The following SLC12A1 variants were observed in gnomAD, a reference collection of about 807,000 sequenced individuals.
SLC12A1 encodes Na-K-2Cl cotransporter.
SLC12A1 carries 89 observed loss-of-function variants against 130.4 expected under a neutral mutation model. That is an observed-to-expected ratio of 0.68 (90% CI 0.58 to 0.81). SLC12A1 has a LOEUF of 0.81. Ranked by LOEUF, SLC12A1 falls within the 40% of genes least tolerant of loss-of-function variation. The pLI is 0.00. For missense variants in SLC12A1, 1,310 were observed against 1,336.4 expected (o/e 0.98, Z 0.31); for synonymous variants, 499 against 460.0 (o/e 1.08, Z -1.09).
intron 23 of SLC12A1, among the ~76,000 whole-genome samples, chr15:48,291,353 T>C (rs1277078506): frequency 1.3e-5 from 2 of 151,242 alleles, no homozygotes; most frequent in East Asian, 1.9e-4. Context: ...TATATAATCA[T>C]ATAATTTATC....
At chr15:48,302,436 A>T (rs549549173) in intron 26 of SLC12A1, among the ~76,000 whole-genome samples, 2 of 150,932 alleles carry the variant, frequency 1.3e-5, no homozygotes, top group Non-Finnish European at 3.0e-5. Context: ...CTGGCTAACA[A>T]GGTGAAACCC....
intron 9 of SLC12A1, among the ~76,000 whole-genome samples, chr15:48,240,010 CATATATATATATATATATCCAT>C (rs1259136658): frequency 2.1e-5 from 2 of 96,666 alleles, no homozygotes; most frequent in African/African-American, 4.9e-5. Flanking sequence ...ATCTGTTATC[CATATATATATATATATATCCAT>C]ATATATATAT....
intron 15 of SLC12A1, among the ~76,000 whole-genome samples, chr15:48,252,422 T>G (rs2141065895): frequency 6.6e-6 from 1 of 152,298 alleles, no homozygotes; most frequent in East Asian, 1.9e-4. Context: ...CCTGACAAGC[T>G]TTCCATTACA....
At chr15:48,218,194 C>T (rs1361099817) in intron 2 of SLC12A1, among the ~76,000 whole-genome samples, 1 of 152,078 alleles carries the variant, frequency 6.6e-6, no homozygotes, top group African/African-American at 2.4e-5. Flanking sequence ...TTAGAATCAT[C>T]CTATAATAAT....
chr15:48,227,070 A>AT, intron 5 of SLC12A1: 1 of 1,546,900 alleles, frequency 6.5e-7, no homozygotes, highest in South Asian at 1.2e-5. Context: ...TTCTTGGGGG[A>AT]TTTTGCAGGT....
At chr15:48,278,821 A>G (rs1287831970) in intron 20 of SLC12A1, among the ~76,000 whole-genome samples, 1 of 152,190 alleles carries the variant, frequency 6.6e-6, no homozygotes, top group Non-Finnish European at 1.5e-5. Flanking sequence ...GCTGAAAAGC[A>G]TTGCTCCCAC....
Position 48,274,671 on chromosome 15 carries a change from T to C in SLC12A1, c.2485+18T>C, listed in dbSNP as rs780114338. 6.4e-7 allele frequency: 1 copy of C among 1,563,418 alleles called. No individual in the cohort carries two copies. Among genetic ancestry groups the C allele is most frequent in the Non-Finnish European group, 8.8e-7 (1 of 1,135,364 alleles). ...GGTGCAAGGTATGTACTTTCTTTAT[T>C]CAACCAACAAGTATTTATTGAGCAC... On this transcript the variant is annotated intron_variant, in intron 20 of 26. Coordinates refer to ENST00000380993, the MANE Select transcript of SLC12A1 (RefSeq NM_000338.3).
Position 48,241,615 on chromosome 15 carries a change from C to A in SLC12A1, c.1300+16C>A. ...ATTTGTGTAGGTAAGTGGTACGTCT[C>A]CAGTGTCAGAATGTCAGAATTACGA... On this transcript the variant is annotated intron_variant, in intron 10 of 26. Coordinates refer to ENST00000380993, the MANE Select transcript of SLC12A1 (RefSeq NM_000338.3). 5 of 1,578,308 alleles carry A rather than the reference C, an allele frequency of 3.2e-6. No homozygotes were observed. The highest frequency in any genetic ancestry group is 4.4e-6 in the Non-Finnish European group (5 of 1,147,520).
intron 8 of SLC12A1, among the ~76,000 whole-genome samples, chr15:48,234,616 C>A (rs1456340306): frequency 1.3e-5 from 2 of 151,890 alleles, no homozygotes; most frequent in African/African-American, 2.4e-5. Context: ...TGGTGGCGGG[C>A]GCCTGTAATC....
chr15:48,287,282 T>C (rs1314394462), intron 21 of SLC12A1, among the ~76,000 whole-genome samples: 1 of 152,110 alleles, frequency 6.6e-6, no homozygotes, highest in Admixed American at 6.5e-5. Context: ...AGAAATCACA[T>C]TTAAAAAAAT....
At chr15:48,227,369 T>C (rs1157126340) in intron 5 of SLC12A1, 1 of 596,734 alleles carries the variant, frequency 1.7e-6, no homozygotes, top group African/African-American at 1.9e-5. Context: ...GACCCATTTC[T>C]TGTAACAAAA....
At chr15:48,231,946 G>A (rs1427724812) in intron 7 of SLC12A1, among the ~76,000 whole-genome samples, 1 of 152,204 alleles carries the variant, frequency 6.6e-6, no homozygotes, top group African/African-American at 2.4e-5. Context: ...AGGAGGTGGA[G>A]GTTGCAGTGA....
chr15:48,238,099 T>C (rs1329949371), intron 9 of SLC12A1, among the ~76,000 whole-genome samples: 1 of 152,278 alleles, frequency 6.6e-6, no homozygotes, highest in East Asian at 1.9e-4. Context: ...ACTTAGAAAA[T>C]TGTCCCCAAA....
intron 17 of SLC12A1, among the ~76,000 whole-genome samples, chr15:48,262,834 C>T (rs1428874537): frequency 1.3e-5 from 2 of 152,162 alleles, no homozygotes; most frequent in Admixed American, 1.3e-4. Context: ...TATTTCTAAG[C>T]ATAGCCAAGT....
chr15:48,227,427 G>T, intron 5 of SLC12A1: 1 of 501,228 alleles, frequency 2.0e-6, no homozygotes, highest in Non-Finnish European at 3.6e-6. Context: ...AGAAGGTATG[G>T]AATATTATAG....
chr15:48,263,768 C>T (rs1162983018), intron 17 of SLC12A1, among the ~76,000 whole-genome samples: 1 of 152,156 alleles, frequency 6.6e-6, no homozygotes, highest in African/African-American at 2.4e-5. Flanking sequence ...TCATAGCTCA[C>T]TGCAGCCTTG....
At position 48,301,350 on chromosome 15, in the gene SLC12A1, G is replaced by A; in HGVS notation, c.3132G>A (p.Gln1044=). Residue 1044 remains glutamine (Q), a synonymous_variant, in exon 26 of 27, where the codon CAG becomes CAA. Coordinates refer to ENST00000380993, the MANE Select transcript of SLC12A1 (RefSeq NM_000338.3). Reference sequence around the variant, plus strand: ...AAGTTCGACTGAATGAACTCTTACAGGAGCACTCCAGAGCTGCTAATCTCA... The same window carrying A: ...AAGTTCGACTGAATGAACTCTTACAAGAGCACTCCAGAGCTGCTAATCTCA... The part of the protein sequence containing the change: ...YRQVRLNELL[Q]EHSRAANLIV... The A allele has an allele frequency of 6.3e-7, 1 of 1,599,636 alleles. No homozygotes were observed. The highest frequency in any genetic ancestry group is 1.1e-5 in the South Asian group (1 of 87,866).
At chr15:48,223,234 G>A (rs1041411661) in intron 4 of SLC12A1, 2 of 152,190 alleles carry the variant, frequency 1.3e-5, no homozygotes, top group African/African-American at 4.8e-5. Flanking sequence ...CTTACTGAGG[G>A]ATGCATAAGA....
intron 11 of SLC12A1, among the ~76,000 whole-genome samples, chr15:48,246,597 A>G (rs1000745706): frequency 1.3e-4 from 20 of 152,158 alleles, no homozygotes; most frequent in Admixed American, 1.3e-3. Flanking sequence ...CCTGGCCAAC[A>G]TGGTGAAACC....
Sources: allele counts gnomAD v4.1 joint callset (sites outside exome capture counted in the v4.1 genomes callset), GRCh38; gene constraint gnomAD v4.1.1; transcripts MANE v1.5; gene names NCBI Gene and HGNC (gene_info 2026-07-23, HGNC 2026-07-21).